Variants in DHRSX observed in about 807,000 individuals in gnomAD.
DHRSX encodes the protein dehydrogenase/reductase X-linked, also known as polyprenol dehydrogenase.
DHRSX carries 31 observed loss-of-function variants against 34.0 expected under a neutral mutation model. The observed-to-expected ratio is 0.91, with a 90% CI of 0.69 to 1.23. The LOEUF (loss-of-function observed/expected upper bound fraction) is 1.23, where lower values mean the gene tolerates loss of function less well. Ranked by LOEUF, DHRSX falls within the 50% of genes most tolerant of loss-of-function variation. DHRSX has a pLI of 0.00. For missense variants in DHRSX, 414 were observed against 428.1 expected (o/e 0.97, Z 0.29); for synonymous variants, 201 against 183.8 (o/e 1.09, Z -0.76).
chrX:2,307,249 G>A (rs1179253404), intron 3 of DHRSX, among the ~76,000 whole-genome samples: 1 of 152,102 alleles, frequency 6.6e-6, no homozygotes, highest in Non-Finnish European at 1.5e-5. Flanking sequence ...ATTATACATA[G>A]GAGCTAAACA....
At chrX:2,253,838 A>C (rs1479866893) in intron 5 of DHRSX, among the ~76,000 whole-genome samples, 1 of 152,164 alleles carries the variant, frequency 6.6e-6, no homozygotes, top group Non-Finnish European at 1.5e-5. Context: ...AGGCGGGCGG[A>C]TCACGAGGTC....
intron 1 of DHRSX, among the ~76,000 whole-genome samples, chrX:2,432,225 A>C (rs182002180): frequency 0.016 from 2,453 of 152,242 alleles, 49 homozygotes; most frequent in African/African-American, 0.039. Context: ...TTAAAAAATA[A>C]AATAGAAGTT....
At chrX:2,426,621 CCCT>C (rs962722203) in intron 1 of DHRSX, among the ~76,000 whole-genome samples, 1 of 148,120 alleles carries the variant, frequency 6.8e-6, no homozygotes, top group African/African-American at 2.5e-5. Flanking sequence ...TTTCCTCTTT[CCCT>C]CCTTTCTTCT....
intron 5 of DHRSX, among the ~76,000 whole-genome samples, chrX:2,259,307 G>GATAT (rs1043599033): frequency 4.8e-5 from 7 of 145,908 alleles, no homozygotes; most frequent in Admixed American, 1.4e-4. Context: ...TATAGATATA[G>GATAT]ATATAGATAT....
intron 3 of DHRSX, among the ~76,000 whole-genome samples, chrX:2,379,609 T>G (rs1362730126): frequency 1.0e-4 from 15 of 146,112 alleles, no homozygotes; most frequent in Admixed American, 2.8e-4. Context: ...TTTTTTTTTT[T>G]TTTTTTTTTT....
chrX:2,447,217 T>C (rs1299843499), intron 1 of DHRSX, among the ~76,000 whole-genome samples: 1 of 151,628 alleles, frequency 6.6e-6, no homozygotes, highest in African/African-American at 2.4e-5. Flanking sequence ...ACTGAAGATA[T>C]TCCCTAAGAA....
chrX:2,375,652 G>C (rs754343284), intron 3 of DHRSX, among the ~76,000 whole-genome samples: 1 of 136,114 alleles, frequency 7.3e-6, no homozygotes, highest in African/African-American at 2.5e-5. Flanking sequence ...GTTGGTTTTT[G>C]AGACAGAGTC....
chrX:2,347,249 G>C lies in DHRSX; in HGVS notation c.287-55646C>G, dbSNP rs146076980. 2.8e-3 allele frequency among the ~76,000 whole-genome samples: 431 copies of C among 152,292 alleles called. 4 individuals are homozygous for C. Among genetic ancestry groups the C allele is most frequent in the Non-Finnish European group, 4.5e-3 (303 of 68,030 alleles). On this transcript the variant is annotated intron_variant, in intron 3 of 6. Coordinates refer to ENST00000334651, the MANE Select transcript of DHRSX (RefSeq NM_145177.3). ...GCACGTCTCACATTGTGACAGACAAGAGAAGAGAGCATGTGCAGGAAACTC... is the reference window on the plus strand; with the variant it reads ...GCACGTCTCACATTGTGACAGACAACAGAAGAGAGCATGTGCAGGAAACTC...
At chrX:2,441,642 C>T (rs2044063736) in intron 1 of DHRSX, among the ~76,000 whole-genome samples, 1 of 152,110 alleles carries the variant, frequency 6.6e-6, no homozygotes, top group Non-Finnish European at 1.5e-5. Flanking sequence ...GGAGGAGGGA[C>T]TCTTTTTACC....
In DHRSX at chrX:2,253,917, C is replaced by T. The variant is rs1388016472; in HGVS notation, c.597-10687G>A. The stretch of plus-strand genomic sequence containing the variant: ...CTAATAAAAATACAAAAAAATTAGC[C>T]GGGTGTGGTGGCAGACGCCTGTAGT... On this transcript the variant is annotated intron_variant, in intron 5 of 6. Coordinates refer to ENST00000334651, the MANE Select transcript of DHRSX (RefSeq NM_145177.3). 3.3e-5 allele frequency among the ~76,000 whole-genome samples: 5 copies of T among 152,002 alleles called. 1 individual carries two copies. The highest frequency in any genetic ancestry group is 4.8e-5 in the African/African-American group (2 of 41,394).
chrX:2,333,321 C>T lies in DHRSX; in HGVS notation c.287-41718G>A, dbSNP rs139519974. 8.1e-3 allele frequency among the ~76,000 whole-genome samples: 1,234 copies of T among 152,080 alleles called. 7 individuals are homozygous for T. Among genetic ancestry groups the T allele is most frequent in the Non-Finnish European group, 0.013 (917 of 67,986 alleles). On this transcript the variant is annotated intron_variant, in intron 3 of 6. Transcript: ENST00000334651. ...TTTTTTTAAACTTGTATGTTAGATT[C>T]GGGAGGAGTCCATGTGCAGGTTTGT...
At chrX:2,465,272 C>T (rs1270292414) in intron 1 of DHRSX, among the ~76,000 whole-genome samples, 3 of 152,158 alleles carry the variant, frequency 2.0e-5, no homozygotes, top group Admixed American at 2.0e-4. Flanking sequence ...TGACTAGCCA[C>T]GAACCCAGCT....
chrX:2,390,028 G>A (rs1249049736), intron 3 of DHRSX, among the ~76,000 whole-genome samples: 1 of 151,896 alleles, frequency 6.6e-6, no homozygotes, highest in Non-Finnish European at 1.5e-5. Flanking sequence ...TGATCCACCC[G>A]CCTCAGCCTC....
chrX:2,454,741 A>G (rs768434141), intron 1 of DHRSX, among the ~76,000 whole-genome samples: 1 of 152,164 alleles, frequency 6.6e-6, no homozygotes, highest in South Asian at 2.1e-4. Context: ...TTTCATCCAT[A>G]CCTCAAAACG....
In DHRSX at chrX:2,382,546, T is replaced by C. The variant is rs867841922; in HGVS notation, c.286+26199A>G. Among the ~76,000 whole-genome samples, 159 of 81,416 alleles carry C rather than the reference T, an allele frequency of 2.0e-3. No individual in the cohort carries two copies. The East Asian group carries it at 0.043, about 22-fold the overall frequency. The allele number at this position is 81,416 out of a possible 152,430, so 53.4% of individuals were successfully genotyped here. On this transcript the variant is annotated intron_variant, in intron 3 of 6. Coordinates refer to ENST00000334651, the MANE Select transcript of DHRSX (RefSeq NM_145177.3). Reference sequence around the variant, plus strand: ...ATCATCACTACCATCATCACCATCATCATCATCACCATCACCATCATCATC... The same window carrying C: ...ATCATCACTACCATCATCACCATCACCATCATCACCATCACCATCATCATC...
intron 1 of DHRSX, chrX:2,489,310 G>A (rs141520513): frequency 2.8e-5 from 45 of 1,613,834 alleles, no homozygotes; most frequent in African/African-American, 5.3e-5. Flanking sequence ...AGGTGGCCAC[G>A]TTGAGAAACA....
chrX:2,298,546 A>T, intron 3 of DHRSX, among the ~76,000 whole-genome samples: 1 of 148,442 alleles, frequency 6.7e-6, no homozygotes, highest in East Asian at 1.9e-4. Context: ...GGTCTGAAGC[A>T]CACAGCCCAT....
intron 1 of DHRSX, among the ~76,000 whole-genome samples, chrX:2,442,915 G>A (rs2044080680): frequency 6.6e-6 from 1 of 152,164 alleles, no homozygotes; most frequent in African/African-American, 2.4e-5. Context: ...CACCAGACAC[G>A]TGCGTGTTCC....
At chrX:2,250,842 T>G (rs1200854338) in intron 5 of DHRSX, among the ~76,000 whole-genome samples, 1 of 152,170 alleles carries the variant, frequency 6.6e-6, no homozygotes, top group African/African-American at 2.4e-5. Context: ...CTGGTTCTAA[T>G]GCCTCTGAAA....
Sources: allele counts gnomAD v4.1 joint callset (sites outside exome capture counted in the v4.1 genomes callset), GRCh38; gene constraint gnomAD v4.1.1; transcripts MANE v1.5; gene names NCBI Gene and HGNC (gene_info 2026-07-23, HGNC 2026-07-21).